FAM184B: variants seen among roughly 807,000 people sequenced by gnomAD.
The protein encoded by FAM184B is protein FAM184B.
FAM184B carries 111 observed loss-of-function variants against 135.9 expected under a neutral mutation model. The observed-to-expected ratio is 0.82, with a 90% CI of 0.70 to 0.96. FAM184B has a LOEUF of 0.96. Among genes scored for constraint, FAM184B ranks in the 40% least tolerant of loss-of-function variants. The probability of loss-of-function intolerance (pLI) is 0.00; values close to 1 mark genes in which losing one functional copy is unlikely to be tolerated. For missense variants in FAM184B, 1,375 were observed against 1,323.9 expected (o/e 1.04, Z -0.60); for synonymous variants, 552 against 524.8 (o/e 1.05, Z -0.71).
intron 7 of FAM184B, among the ~76,000 whole-genome samples, chr4:17,685,786 C>T (rs1716569694): frequency 6.6e-6 from 1 of 152,080 alleles, no homozygotes; most frequent in Non-Finnish European, 1.5e-5. Context: ...CAGCACACAG[C>T]ATAGCTCCAC....
In FAM184B at chr4:17,781,086, G is replaced by A. The variant is rs1719022783; in HGVS notation, c.141+73C>T. 5 of 1,427,670 alleles carry A rather than the reference G, an allele frequency of 3.5e-6. No individual in the cohort carries two copies. The highest frequency in any genetic ancestry group is 4.6e-6 in the Non-Finnish European group (5 of 1,085,962). 88.4% of individuals were successfully genotyped at this position (1,427,670 alleles called of 1,614,324 possible). Reference sequence around the variant, plus strand: ...TGGATTTGGCCCGGGCCTCCCGGGAGGCGCATCCGCACTGACTCCCGGCTC... The same window carrying A: ...TGGATTTGGCCCGGGCCTCCCGGGAAGCGCATCCGCACTGACTCCCGGCTC... On this transcript the variant is annotated intron_variant, in intron 1 of 17. Coordinates refer to ENST00000265018, the MANE Select transcript of FAM184B (RefSeq NM_015688.2). This position sits in a 1 kb window ranked among gnomAD's most constrained non-coding sequence, Gnocchi z 6.5.
Position 17,707,758 on chromosome 4 carries a change from A to C in FAM184B, c.921T>G (p.Ala307=). 6.4e-7 allele frequency: 1 copy of C among 1,551,958 alleles called. No individual in the cohort carries two copies. Among genetic ancestry groups the C allele is most frequent in the East Asian group, 2.4e-5 (1 of 40,924 alleles). Residue 307 remains alanine (A), a synonymous_variant, in exon 3 of 18, where the codon GCT becomes GCG. Coordinates refer to ENST00000265018, the MANE Select transcript of FAM184B (RefSeq NM_015688.2). ...CTTTCAACTCTGAATTCTCCTGTCG[A>C]GCCTCCTTAAGCTGCACATCCAGGT... is the stretch of plus-strand genomic sequence containing the variant. ...IQDLDVQLKE[A]RQENSELKGT... is the part of the protein sequence containing the mutation.
chr4:17,685,344 T>C (rs954907629), intron 7 of FAM184B, among the ~76,000 whole-genome samples: 5 of 147,494 alleles, frequency 3.4e-5, no homozygotes, highest in Admixed American at 6.9e-5. Flanking sequence ...AGGTCAGGAG[T>C]TCGAGACTAG....
chr4:17,670,821 C>A (rs916409049), intron 7 of FAM184B, among the ~76,000 whole-genome samples: 1 of 152,220 alleles, frequency 6.6e-6, no homozygotes, highest in Non-Finnish European at 1.5e-5. Context: ...TATTTTCTGA[C>A]TCCCATCCAC....
In FAM184B at chr4:17,632,835, A is replaced by T. The variant is rs1244560479; in HGVS notation, c.3090-210T>A. ...TCCTCATTTGGAAAACAGAAGGTTC[A>T]CCATTGTTTGGTTCTCCATTGTTCC... On this transcript the variant is annotated intron_variant, in intron 17 of 17. Transcript: ENST00000265018. 6.7e-6 allele frequency: 3 copies of T among 445,488 alleles called. No individual in the cohort carries two copies. In the Admixed American group the frequency reaches 1.0e-4, roughly 15 times the overall value. 27.6% of individuals were successfully genotyped at this position (445,488 alleles called of 1,614,324 possible).
intron 9 of FAM184B, 29 bp downstream of exon 9, chr4:17,659,929 G>A: frequency 6.5e-7 from 1 of 1,548,050 alleles, no homozygotes; most frequent in Non-Finnish European, 8.7e-7. Context: ...TCTCAGGAAG[G>A]GGGCACATCC....
At chr4:17,645,613 C>T (rs1715444726) in intron 12 of FAM184B, among the ~76,000 whole-genome samples, 1 of 151,954 alleles carries the variant, frequency 6.6e-6, no homozygotes, top group Admixed American at 6.6e-5. Flanking sequence ...AGACCTAAAA[C>T]CATAAAAACC....
At chr4:17,678,486 A>G (rs1360079159) in intron 7 of FAM184B, among the ~76,000 whole-genome samples, 1 of 152,088 alleles carries the variant, frequency 6.6e-6, no homozygotes, top group Non-Finnish European at 1.5e-5. Context: ...GTGAAAGACC[A>G]CTACAAGGAA....
At chr4:17,720,754 T>A (rs1449321222) in intron 1 of FAM184B, among the ~76,000 whole-genome samples, 1 of 151,234 alleles carries the variant, frequency 6.6e-6, no homozygotes, top group Non-Finnish European at 1.5e-5. Context: ...GGTGTGGTGG[T>A]GCACCCCTGT....
chr4:17,686,402 G>C (rs1349813453), intron 7 of FAM184B, among the ~76,000 whole-genome samples: 1 of 152,186 alleles, frequency 6.6e-6, no homozygotes, highest in African/African-American at 2.4e-5. Flanking sequence ...CCTTAATCTG[G>C]GTGTCAGAGG....
chr4:17,766,807 C>T (rs568827326), intron 1 of FAM184B, among the ~76,000 whole-genome samples: 213 of 152,358 alleles, frequency 1.4e-3, no homozygotes, highest in African/African-American at 4.8e-3. Context: ...GCAGAGCACC[C>T]GCACTCCTCA....
At position 17,709,201 on chromosome 4, in the gene FAM184B, C is replaced by T. The variant is rs1403265819; in HGVS notation, c.585G>A (p.Glu195=). Residue 195 remains glutamate, a synonymous_variant, in exon 2 of 18, where the codon GAG becomes GAA. Coordinates refer to ENST00000265018, the MANE Select transcript of FAM184B (RefSeq NM_015688.2). ...SEPGQGPEMQ[E]VLLEVQRLRV... ...GCAGCCGCTGCACCTCTAGCAGGAC[C>T]TCCTGCATCTCCGGGCCCTGGCCTG... 1 of 1,547,970 alleles carries T rather than the reference C, an allele frequency of 6.5e-7. No homozygotes were observed.
chr4:17,636,672 T>TC (rs758030224), intron 14 of FAM184B, 27 bp from the exon 15 acceptor site: 2 of 1,502,906 alleles, frequency 1.3e-6, no homozygotes, highest in Non-Finnish European at 1.8e-6. Context: ...TGCAGTCAAG[T>TC]CCCCCTTACA....
chr4:17,738,265 T>A (rs1344106459), intron 1 of FAM184B, among the ~76,000 whole-genome samples: 1 of 152,038 alleles, frequency 6.6e-6, no homozygotes, highest in Non-Finnish European at 1.5e-5. Context: ...GAGTGACCAG[T>A]GGCCCTGCTC....
chr4:17,698,369 A>G (rs141026485), intron 5 of FAM184B, among the ~76,000 whole-genome samples: 78 of 152,336 alleles, frequency 5.1e-4, no homozygotes, highest in African/African-American at 1.8e-3. Flanking sequence ...CAGATTGTCT[A>G]CAATTACAGG....
In FAM184B at chr4:17,781,598, C is replaced by T. The variant is rs1577301152; in HGVS notation, c.-299G>A. 1.5e-5 allele frequency: 5 copies of T among 330,778 alleles called. No homozygotes were observed. In the East Asian group the frequency reaches 3.0e-4, roughly 20 times the overall value. 20.5% of individuals were successfully genotyped at this position (330,778 alleles called of 1,614,324 possible). A position where few individuals can be genotyped will look rare whatever the true frequency, so the allele number is the denominator to read the frequency against. ...TGCCGCTGGCGATCAGTCTGCAGTT[C>T]CCCAGCCAGTGCAGGTTTCGTGTGC... On this transcript the variant is annotated 5_prime_UTR_variant, in exon 1 of 18. Transcript: ENST00000265018. The surrounding 1 kb of genome is among the most constrained non-coding windows in gnomAD (Gnocchi z 6.5).
chr4:17,708,192 A>T (rs1004210748), intron 2 of FAM184B, among the ~76,000 whole-genome samples: 46 of 152,162 alleles, frequency 3.0e-4, no homozygotes, highest in African/African-American at 1.1e-3. Context: ...CTTATTAGCC[A>T]TGTGCCAATG....
chr4:17,699,542 C>A (rs1455127888), intron 5 of FAM184B, among the ~76,000 whole-genome samples: 2 of 152,018 alleles, frequency 1.3e-5, no homozygotes, highest in Non-Finnish European at 2.9e-5. Flanking sequence ...CCAAAAGATA[C>A]TGAATGACAT....
chr4:17,778,410 A>G (rs77953551), intron 1 of FAM184B, among the ~76,000 whole-genome samples: 3,014 of 152,310 alleles, frequency 0.02, 66 homozygotes, highest in East Asian at 0.081. Flanking sequence ...ATACCAAGGC[A>G]CCTACAGAAA....
Sources: allele counts gnomAD v4.1 joint callset (sites outside exome capture counted in the v4.1 genomes callset), GRCh38; gene constraint gnomAD v4.1.1; non-coding constraint Gnocchi (gnomAD v3.1); transcripts MANE v1.5; gene names NCBI Gene and HGNC (gene_info 2026-07-23, HGNC 2026-07-21).